LINGO2: variants seen among roughly 807,000 people sequenced by gnomAD.
LINGO2 encodes leucine-rich repeat and immunoglobulin-like domain-containing nogo receptor-interacting protein 2.
Under a neutral mutation model 30.6 loss-of-function variants are expected in LINGO2, and 14 were observed. The observed-to-expected ratio is 0.46, with a 90% confidence interval of 0.30 to 0.72. The LOEUF (loss-of-function observed/expected upper bound fraction) is 0.72, where lower values mean the gene tolerates loss of function less well. Ranked by LOEUF, LINGO2 falls within the 30% of genes least tolerant of loss-of-function variation. The pLI is 0.07. For synonymous variants in LINGO2, 317 were observed against 288.5 expected (o/e 1.10, Z -1.00); for missense variants, 729 against 751.7 (o/e 0.97, Z 0.35).
the LINGO2 span, among the ~76,000 whole-genome samples, chr9:29,202,428 A>G: frequency 6.6e-6 from 1 of 152,060 alleles, no homozygotes; most frequent in Non-Finnish European, 1.5e-5. Context: ...ACTTTTAAAT[A>G]CTGCTTCCAA....
the LINGO2 span, among the ~76,000 whole-genome samples, chr9:29,016,852 A>T: frequency 6.6e-6 from 1 of 152,174 alleles, no homozygotes; most frequent in Non-Finnish European, 1.5e-5. Context: ...TACATATAAG[A>T]AGATCATCTT....
At chr9:28,865,548 C>T in the LINGO2 span, among the ~76,000 whole-genome samples, 45 of 152,094 alleles carry the variant, frequency 3.0e-4, 2 homozygotes, top group African/African-American at 1.0e-3. Flanking sequence ...TTTGAGAGGC[C>T]GAGGCGGGAG....
intron 1 of LINGO2, among the ~76,000 whole-genome samples, chr9:28,562,564 T>G (rs1389893778): frequency 6.6e-6 from 1 of 151,622 alleles, no homozygotes; most frequent in African/African-American, 2.4e-5. Context: ...AATAAATTTC[T>G]ACAAAGCTTT....
the LINGO2 span, among the ~76,000 whole-genome samples, chr9:29,098,251 C>T: frequency 8.5e-5 from 13 of 152,252 alleles, no homozygotes; most frequent in African/African-American, 3.1e-4. Flanking sequence ...AGCAATATGA[C>T]AACTATTGCT....
the LINGO2 span, among the ~76,000 whole-genome samples, chr9:28,981,010 T>C: frequency 6.6e-6 from 1 of 152,130 alleles, no homozygotes; most frequent in African/African-American, 2.4e-5. Context: ...CGTACCTTAC[T>C]GGTAATACAC....
At chr9:28,248,288 G>C (rs1258674792) in intron 4 of LINGO2, among the ~76,000 whole-genome samples, 1 of 152,130 alleles carries the variant, frequency 6.6e-6, no homozygotes, top group Non-Finnish European at 1.5e-5. Context: ...AAAAGAATGA[G>C]AGTCTGTCAT....
chr9:29,150,231 A>G, the LINGO2 span, among the ~76,000 whole-genome samples: 2 of 152,294 alleles, frequency 1.3e-5, no homozygotes, highest in Middle Eastern at 6.8e-3. Context: ...GATCCTATAC[A>G]AAGCATTGGC....
intron 1 of LINGO2, among the ~76,000 whole-genome samples, chr9:28,523,887 C>T (rs1315722959): frequency 6.7e-6 from 1 of 148,740 alleles, no homozygotes; most frequent in Non-Finnish European, 1.5e-5. Context: ...ACTGGAAACA[C>T]AGTTGGCTTT....
chr9:28,182,143 C>A (rs1328987335), intron 4 of LINGO2, among the ~76,000 whole-genome samples: 1 of 152,026 alleles, frequency 6.6e-6, no homozygotes, highest in Non-Finnish European at 1.5e-5. Context: ...AGAATAGAGA[C>A]CTCAGAAACA....
chr9:28,578,679 C>T (rs531437555), intron 1 of LINGO2, among the ~76,000 whole-genome samples: 1 of 152,182 alleles, frequency 6.6e-6, no homozygotes, highest in African/African-American at 2.4e-5. Context: ...ATAAATTCTG[C>T]TAAAACCAAC....
At chr9:28,840,022 G>A in the LINGO2 span, among the ~76,000 whole-genome samples, 11 of 152,006 alleles carry the variant, frequency 7.2e-5, no homozygotes, top group Non-Finnish European at 1.3e-4. Flanking sequence ...ACCCAACTGG[G>A]TTGCAATAGC....
chr9:28,972,886 T>C, the LINGO2 span, among the ~76,000 whole-genome samples: 2 of 152,140 alleles, frequency 1.3e-5, no homozygotes, highest in African/African-American at 4.8e-5. Context: ...CCTGCCCCTG[T>C]GATTCAGTTA....
At chr9:28,312,759 C>T (rs1044470296) in intron 3 of LINGO2, among the ~76,000 whole-genome samples, 1 of 152,042 alleles carries the variant, frequency 6.6e-6, no homozygotes, top group Non-Finnish European at 1.5e-5. Flanking sequence ...TCAGTAGTGG[C>T]TTATTGTCAT....
chr9:29,123,023 T>A, the LINGO2 span, among the ~76,000 whole-genome samples: 2 of 152,130 alleles, frequency 1.3e-5, no homozygotes, highest in Non-Finnish European at 2.9e-5. Flanking sequence ...TTATAATTCA[T>A]TTCCAAGTGA....
intron 3 of LINGO2, among the ~76,000 whole-genome samples, chr9:28,352,022 T>C (rs1819919683): frequency 1.3e-5 from 2 of 151,154 alleles, no homozygotes. Flanking sequence ...GAGCTATCTA[T>C]GACAAACCCA....
the LINGO2 span, among the ~76,000 whole-genome samples, chr9:29,017,430 T>C: frequency 6.6e-6 from 1 of 152,066 alleles, no homozygotes; most frequent in Non-Finnish European, 1.5e-5. Flanking sequence ...AAATATACTA[T>C]TTATCAGAAA....
intron 4 of LINGO2, among the ~76,000 whole-genome samples, chr9:28,050,892 T>C (rs1824641747): frequency 6.6e-6 from 1 of 151,002 alleles, no homozygotes; most frequent in African/African-American, 2.4e-5. Flanking sequence ...ATAAATACCA[T>C]TAATCTACAG....
At chr9:29,114,177 T>C in the LINGO2 span, among the ~76,000 whole-genome samples, 1 of 149,826 alleles carries the variant, frequency 6.7e-6, no homozygotes, top group Non-Finnish European at 1.5e-5. Context: ...TAATAATATA[T>C]ATATTTTTTT....
chr9:28,836,204 C>T, the LINGO2 span, among the ~76,000 whole-genome samples: 8 of 152,044 alleles, frequency 5.3e-5, no homozygotes, highest in East Asian at 5.8e-4. Context: ...TTGTGACTGA[C>T]GGGAAATGTT....
Sources: gnomAD v4.1 joint callset for allele counts (sites outside exome capture counted in the v4.1 genomes callset) on GRCh38, gnomAD v4.1.1 for gene constraint, MANE v1.5 for transcripts, NCBI Gene and HGNC (gene_info 2026-07-23, HGNC 2026-07-21) for gene names.